Variants in ST18 observed in about 807,000 individuals in gnomAD.
The protein encoded by ST18 is ST18 C2H2C-type zinc finger transcription factor.
A neutral mutation model predicts 110.0 loss-of-function variants in ST18; 50 were observed. The ratio of observed to expected loss-of-function variants is 0.45; its 90% CI spans 0.36 to 0.58. The LOEUF (loss-of-function observed/expected upper bound fraction) is 0.58. Among genes scored for constraint, ST18 ranks in the 20% least tolerant of loss-of-function variants. The probability of loss-of-function intolerance (pLI) is 0.00; values close to 1 mark genes in which losing one functional copy is unlikely to be tolerated. For synonymous variants in ST18, 461 were observed against 452.4 expected (o/e 1.02, Z -0.24); for missense variants, 1,306 against 1,280.1 (o/e 1.02, Z -0.31).
At chr8:52,372,849 C>G (rs1294092716) in intron 2 of ST18, among the ~76,000 whole-genome samples, 3 of 152,154 alleles carry the variant, frequency 2.0e-5, no homozygotes, top group Non-Finnish European at 2.9e-5. Context: ...TGACACATAA[C>G]TATATAGCAA....
At chr8:52,290,197 C>A (rs545346398) in intron 2 of ST18, among the ~76,000 whole-genome samples, 1 of 152,170 alleles carries the variant, frequency 6.6e-6, no homozygotes, top group African/African-American at 2.4e-5. Context: ...CATGTGACCA[C>A]CCTTCATCTT....
At chr8:52,158,310 T>C (rs1398376704) in intron 15 of ST18, among the ~76,000 whole-genome samples, 2 of 152,250 alleles carry the variant, frequency 1.3e-5, no homozygotes, top group Non-Finnish European at 2.9e-5. Flanking sequence ...TGTATTTGAA[T>C]GCCCTGAGGT....
chr8:52,176,144 C>A (rs1051799730), intron 9 of ST18, among the ~76,000 whole-genome samples: 3 of 152,022 alleles, frequency 2.0e-5, no homozygotes, highest in Non-Finnish European at 4.4e-5. Flanking sequence ...GCCTCAGCAT[C>A]CTGAGTAGCT....
chr8:52,283,366 G>T lies in ST18; in HGVS notation c.-464-53289C>A, dbSNP rs145894996. ...TGAGCATTGGCAGCACAGCGATTGT[G>T]TCCAAAGTTGCAAGACTGCTTATGA... On this transcript the variant is annotated intron_variant, in intron 2 of 25. Coordinates refer to ENST00000689386, the MANE Select transcript of ST18 (RefSeq NM_001352837.2). 4.3e-4 allele frequency among the ~76,000 whole-genome samples: 65 copies of T among 152,300 alleles called. 1 individual carries two copies. Among genetic ancestry groups the T allele is most frequent in the African/African-American group, 1.5e-3 (64 of 41,570 alleles).
chr8:52,313,985 T>G (rs1436074206), intron 2 of ST18, among the ~76,000 whole-genome samples: 1 of 152,192 alleles, frequency 6.6e-6, no homozygotes, highest in Non-Finnish European at 1.5e-5. Context: ...TGCGGTCAGC[T>G]GATGGCTCCA....
chr8:52,257,682 A>T (rs2094567479), intron 2 of ST18, among the ~76,000 whole-genome samples: 3 of 152,102 alleles, frequency 2.0e-5, no homozygotes, highest in Non-Finnish European at 4.4e-5. Flanking sequence ...TGTATTCTAG[A>T]TACAAGTTTC....
chr8:52,364,725 TGACCGTTGGAAGAGGTGTGAAGAATTG>T (rs1394926414), intron 2 of ST18, among the ~76,000 whole-genome samples: 1 of 152,156 alleles, frequency 6.6e-6, no homozygotes, highest in Admixed American at 6.5e-5. Context: ...GTGATGAGGG[TGACCGTTGGAAGAGGTGTGAAGAATTG>T]GTGTCACTCA....
chr8:52,186,087 T>C (rs1394689870), intron 8 of ST18, among the ~76,000 whole-genome samples: 1 of 152,180 alleles, frequency 6.6e-6, no homozygotes, highest in African/African-American at 2.4e-5. Flanking sequence ...CATACTCTTC[T>C]ATATGTATGT....
chr8:52,328,785 T>A (rs1011930566), intron 2 of ST18, among the ~76,000 whole-genome samples: 3 of 151,650 alleles, frequency 2.0e-5, no homozygotes, highest in Non-Finnish European at 4.4e-5. Flanking sequence ...ATAAAAAAAA[T>A]ACCAGCATTT....
chr8:52,182,359 T>G (rs2070107127), intron 8 of ST18, among the ~76,000 whole-genome samples: 1 of 152,214 alleles, frequency 6.6e-6, no homozygotes, highest in South Asian at 2.1e-4. Context: ...CTATGTTCAT[T>G]GCAACTATCC....
intron 2 of ST18, among the ~76,000 whole-genome samples, chr8:52,271,708 C>T (rs1354231920): frequency 6.6e-6 from 1 of 152,204 alleles, no homozygotes; most frequent in Admixed American, 6.5e-5. Flanking sequence ...GTCATCATCT[C>T]CCTGAAGACA....
At chr8:52,356,623 TA>T (rs1822862050) in intron 2 of ST18, among the ~76,000 whole-genome samples, 1 of 152,128 alleles carries the variant, frequency 6.6e-6, no homozygotes. Flanking sequence ...GAGAAATCAG[TA>T]GATTATGGTC....
At chr8:52,363,722 G>T (rs1374646982) in intron 2 of ST18, among the ~76,000 whole-genome samples, 2 of 152,066 alleles carry the variant, frequency 1.3e-5, no homozygotes, top group African/African-American at 4.8e-5. Flanking sequence ...ACTCAATAAT[G>T]TAGAAGAATT....
At chr8:52,146,465 CCTT>C (rs2057307263) in intron 16 of ST18, among the ~76,000 whole-genome samples, 4 of 151,356 alleles carry the variant, frequency 2.6e-5, no homozygotes, top group Admixed American at 6.6e-5. Context: ...TCCTCATTTA[CCTT>C]CTTCTCTTTT....
chr8:52,137,012 G>A (rs2052692144), intron 18 of ST18, among the ~76,000 whole-genome samples: 1 of 152,180 alleles, frequency 6.6e-6, no homozygotes, highest in South Asian at 2.1e-4. Flanking sequence ...CAATGGAGAT[G>A]GTGAGTAGAA....
intron 22 of ST18, 34 bp downstream of exon 22, chr8:52,131,924 A>G (rs759871960): frequency 1.7e-5 from 28 of 1,608,782 alleles, no homozygotes; most frequent in Non-Finnish European, 8.5e-7. Flanking sequence ...ACCGATCACA[A>G]CACTACAACA....
intron 9 of ST18, among the ~76,000 whole-genome samples, chr8:52,177,307 T>G (rs183304506): frequency 1.3e-5 from 2 of 152,232 alleles, no homozygotes; most frequent in Non-Finnish European, 2.9e-5. Flanking sequence ...AGGATATGGA[T>G]GAAGTCTGTG....
At chr8:52,287,052 A>G (rs2095482624) in intron 2 of ST18, among the ~76,000 whole-genome samples, 1 of 152,236 alleles carries the variant, frequency 6.6e-6, no homozygotes, top group African/African-American at 2.4e-5. Flanking sequence ...GATTTTTTAT[A>G]CAAAGACTGT....
chr8:52,311,349 G>A (rs574039100), intron 2 of ST18, among the ~76,000 whole-genome samples: 1 of 152,260 alleles, frequency 6.6e-6, no homozygotes, highest in African/African-American at 2.4e-5. Flanking sequence ...AAAGCCTAAT[G>A]TTGTCTTTGC....
Sources: gnomAD v4.1 joint callset for allele counts (sites outside exome capture counted in the v4.1 genomes callset) on GRCh38, gnomAD v4.1.1 for gene constraint, MANE v1.5 for transcripts, NCBI Gene and HGNC (gene_info 2026-07-23, HGNC 2026-07-21) for gene names.